Variants in HHIPL1 observed in about 807,000 individuals in gnomAD.
HHIPL1 encodes HHIP-like protein 1.
Under a neutral mutation model 61.8 loss-of-function variants are expected in HHIPL1, and 43 were observed. The observed-to-expected ratio is 0.70, with a 90% CI of 0.55 to 0.90. The LOEUF is 0.90. HHIPL1 is among the 40% of genes least tolerant of loss of function. The probability of loss-of-function intolerance (pLI) is 0.00; values close to 1 mark genes in which losing one functional copy is unlikely to be tolerated. For synonymous variants in HHIPL1, 482 were observed against 515.8 expected (o/e 0.93, Z 0.89); for missense variants, 1,056 against 1,157.7 (o/e 0.91, Z 1.28).
At chr14:99,614,281 G>A in the HHIPL1 span, among the ~76,000 whole-genome samples, 13 of 152,282 alleles carry the variant, frequency 8.5e-5, no homozygotes, top group East Asian at 5.8e-4. Flanking sequence ...CTTCCTGAGC[G>A]TCTGAAAACT....
chr14:99,612,051 T>C, the HHIPL1 span, among the ~76,000 whole-genome samples: 1 of 152,208 alleles, frequency 6.6e-6, no homozygotes, highest in Non-Finnish European at 1.5e-5. Context: ...ATTAATTTAT[T>C]CTCACCTGCT....
chr14:99,632,777 C>G, the HHIPL1 span, among the ~76,000 whole-genome samples: 1 of 152,210 alleles, frequency 6.6e-6, no homozygotes, highest in Non-Finnish European at 1.5e-5. Context: ...TGGCCATCAC[C>G]TCAGCCTATC....
At chr14:99,626,691 T>C in the HHIPL1 span, among the ~76,000 whole-genome samples, 2 of 152,244 alleles carry the variant, frequency 1.3e-5, no homozygotes, top group Non-Finnish European at 2.9e-5. Context: ...CCTGGGGATC[T>C]GGGCATGGCC....
intron 1 of HHIPL1, among the ~76,000 whole-genome samples, chr14:99,651,545 T>C (rs918140573): frequency 6.6e-6 from 1 of 152,166 alleles, no homozygotes; most frequent in Non-Finnish European, 1.5e-5. Flanking sequence ...GGTACTAAAC[T>C]AAACCATGCG....
At chr14:99,617,566 A>T in the HHIPL1 span, among the ~76,000 whole-genome samples, 242 of 152,320 alleles carry the variant, frequency 1.6e-3, no homozygotes, top group Non-Finnish European at 3.0e-3. Flanking sequence ...TTTCCTTGCA[A>T]GCATTTTAGT....
intron 6 of HHIPL1, among the ~76,000 whole-genome samples, chr14:99,667,688 G>A (rs1373142979): frequency 6.6e-6 from 1 of 152,174 alleles, no homozygotes; most frequent in African/African-American, 2.4e-5. Flanking sequence ...CCAAATCCCG[G>A]ATGACGCCTG....
chr14:99,637,221 AAAG>A, the HHIPL1 span, among the ~76,000 whole-genome samples: 6 of 129,892 alleles, frequency 4.6e-5, no homozygotes, highest in African/African-American at 1.9e-4. Flanking sequence ...AGAAAGAAAG[AAAG>A]AAAGAAAGAA....
At chr14:99,652,137 C>T (rs1390728164) in intron 1 of HHIPL1, 87 bp from the exon 2 acceptor site, 1 of 1,248,236 alleles carries the variant, frequency 8.0e-7, no homozygotes, top group Non-Finnish European at 1.1e-6. Flanking sequence ...CAGACTGAGG[C>T]TCTGAGAGAT....
intron 8 of HHIPL1, among the ~76,000 whole-genome samples, chr14:99,673,261 G>A (rs1019891759): frequency 2.8e-4 from 43 of 151,880 alleles, no homozygotes; most frequent in Admixed American, 1.0e-3. Context: ...TTTTGGAAGT[G>A]AGTTCTGGCC....
chr14:99,657,858 T>C (rs534953618), intron 3 of HHIPL1, among the ~76,000 whole-genome samples: 2 of 150,658 alleles, frequency 1.3e-5, no homozygotes, highest in African/African-American at 2.4e-5. Context: ...ATACACACAA[T>C]ACACACACAT....
chr14:99,671,387 G>A (rs1035357390), intron 7 of HHIPL1, among the ~76,000 whole-genome samples: 2 of 152,164 alleles, frequency 1.3e-5, no homozygotes, highest in Admixed American at 6.5e-5. Context: ...AAAAAACCTC[G>A]CTTTTCCTGC....
chr14:99,635,178 G>A, the HHIPL1 span, among the ~76,000 whole-genome samples: 2 of 152,138 alleles, frequency 1.3e-5, no homozygotes, highest in Non-Finnish European at 2.9e-5. Context: ...GTATCCCTGA[G>A]GCCCCGATAG....
At chr14:99,640,323 C>T (rs1471155832), upstream of HHIPL1, among the ~76,000 whole-genome samples, 1 of 152,076 alleles carries the variant, frequency 6.6e-6, no homozygotes, top group Non-Finnish European at 1.5e-5. Flanking sequence ...CTTGCTCTGT[C>T]ACCCAGGCTA....
chr14:99,630,278 G>A, the HHIPL1 span, among the ~76,000 whole-genome samples: 11 of 152,328 alleles, frequency 7.2e-5, no homozygotes, highest in Non-Finnish European at 1.0e-4. Context: ...CCGGGCAGGC[G>A]GTGGTTAATA....
chr14:99,619,986 C>T, the HHIPL1 span, among the ~76,000 whole-genome samples: 6 of 152,190 alleles, frequency 3.9e-5, no homozygotes, highest in Admixed American at 1.3e-4. Flanking sequence ...GGCCTTTCTC[C>T]GGCTTCAAGG....
chr14:99,605,759 A>G, the HHIPL1 span, among the ~76,000 whole-genome samples: 2 of 152,148 alleles, frequency 1.3e-5, no homozygotes, highest in Non-Finnish European at 2.9e-5. Context: ...GGGGAGGCAC[A>G]TCTAAGCTGA....
the HHIPL1 span, among the ~76,000 whole-genome samples, chr14:99,637,120 A>G: frequency 7.5e-6 from 1 of 133,756 alleles, no homozygotes; most frequent in Non-Finnish European, 1.6e-5. Flanking sequence ...AGAAAGAAAG[A>G]AAAGAAAGAG....
In HHIPL1 at chr14:99,680,050, A is replaced by C. The variant is rs944186982; in HGVS notation, c.*4424A>C. 1 of 152,132 alleles carries C rather than the reference A, an allele frequency of 6.6e-6. No individual in the cohort carries two copies. The allele number at this position is 152,132 out of a possible 1,614,324, so 9.4% of individuals were successfully genotyped here. A position where few individuals can be genotyped will look rare whatever the true frequency, so the allele number is the denominator to read the frequency against. ...ACAACAGCTCCACGAGACACCCTCA[A>C]TATCACTGTCCCTGTTTTCCAGATG... On this transcript the variant is annotated 3_prime_UTR_variant, in exon 9 of 9. Coordinates refer to ENST00000330710, the MANE Select transcript of HHIPL1 (RefSeq NM_001127258.3).
At chr14:99,635,916 C>G in the HHIPL1 span, among the ~76,000 whole-genome samples, 1 of 152,140 alleles carries the variant, frequency 6.6e-6, no homozygotes, top group African/African-American at 2.4e-5. Flanking sequence ...AAACGTGGAG[C>G]AGGAGTCCTA....
Sources: allele counts gnomAD v4.1 joint callset (sites outside exome capture counted in the v4.1 genomes callset), GRCh38; gene constraint gnomAD v4.1.1; transcripts MANE v1.5; gene names NCBI Gene and HGNC (gene_info 2026-07-23, HGNC 2026-07-21).